The following VPS13A variants were observed in gnomAD, a reference collection of about 807,000 sequenced individuals.
VPS13A encodes the protein vacuolar protein sorting 13 homolog A, also known as intermembrane lipid transfer protein VPS13A.
Under a neutral mutation model 390.9 loss-of-function variants are expected in VPS13A, and 264 were observed. That is an observed-to-expected ratio of 0.68 (90% CI 0.61 to 0.75). VPS13A has a LOEUF of 0.75. Among genes scored for constraint, VPS13A ranks in the 30% least tolerant of loss-of-function variants. VPS13A has a pLI of 0.00. For synonymous variants in VPS13A, 1,231 were observed against 1,227.1 expected (o/e 1.00, Z -0.07); for missense variants, 3,409 against 3,733.9 (o/e 0.91, Z 2.27).
intron 33 of VPS13A, among the ~76,000 whole-genome samples, chr9:77,297,850 T>C (rs1447330444): frequency 6.6e-6 from 1 of 152,046 alleles, no homozygotes; most frequent in Non-Finnish European, 1.5e-5. Context: ...GTTCTAGAAA[T>C]TAGGTCAAAA....
At chr9:77,225,072 A>G (rs1823429576) in intron 13 of VPS13A, among the ~76,000 whole-genome samples, 1 of 152,234 alleles carries the variant, frequency 6.6e-6, no homozygotes, top group African/African-American at 2.4e-5. Context: ...TCTTAAGACA[A>G]TGCCATTGCA....
At chr9:77,209,964 AT>A (rs1292292016) in intron 6 of VPS13A, among the ~76,000 whole-genome samples, 3 of 151,788 alleles carry the variant, frequency 2.0e-5, no homozygotes, top group East Asian at 1.9e-4. Flanking sequence ...TTTTTTAATA[AT>A]TTTTTTTGTA....
At chr9:77,365,618 G>T in intron 60 of VPS13A, 45 bp downstream of exon 60, 1 of 1,166,044 alleles carries the variant, frequency 8.6e-7, no homozygotes, top group Non-Finnish European at 1.3e-6. Context: ...CTAGGTAATA[G>T]CAAATTGATG....
At chr9:77,245,488 C>T (rs1191722300) in intron 19 of VPS13A, among the ~76,000 whole-genome samples, 1 of 152,178 alleles carries the variant, frequency 6.6e-6, no homozygotes, top group Non-Finnish European at 1.5e-5. Flanking sequence ...TGAGTCAATT[C>T]TGCTCTTAAG....
At chr9:77,316,556 T>G (rs2131433706) in intron 39 of VPS13A, 150 bp downstream of exon 39, 1 of 653,620 alleles carries the variant, frequency 1.5e-6, no homozygotes, top group Non-Finnish European at 2.7e-6. Context: ...TAGAATATTA[T>G]TTACCAGCTT....
rs541729451 is a variant in VPS13A, at chr9:77,298,592, A to G, written c.3812+2746A>G. Among the ~76,000 whole-genome samples, 21 of 152,218 alleles carry G rather than the reference A, an allele frequency of 1.4e-4. No homozygotes were observed. In the East Asian group the frequency reaches 3.5e-3, roughly 25 times the overall value. On this transcript the variant is annotated intron_variant, in intron 33 of 71. Transcript: ENST00000360280. The stretch of plus-strand genomic sequence containing the variant: ...ATCCAACAGTCAGTTGGATTGAGAC[A>G]AAACTGAATTTTTTGCCAAGCAAGT...
At chr9:77,281,429 A>C (rs1827018981) in intron 27 of VPS13A, among the ~76,000 whole-genome samples, 1 of 152,170 alleles carries the variant, frequency 6.6e-6, no homozygotes, top group Admixed American at 6.5e-5. Flanking sequence ...ATGATTTGTC[A>C]ATCAAAAATA....
intron 58 of VPS13A, 148 bp from the exon 59 acceptor site, chr9:77,360,388 T>C: frequency 1.6e-6 from 1 of 608,482 alleles, no homozygotes; most frequent in South Asian, 2.0e-5. Flanking sequence ...TTATTAACAG[T>C]GTTCCATGAT....
chr9:77,366,976 T>C (rs1328617156), intron 61 of VPS13A, 104 bp downstream of exon 61: 1 of 1,224,690 alleles, frequency 8.2e-7, no homozygotes, highest in East Asian at 2.5e-5. Flanking sequence ...TTGCAGATCA[T>C]AGGCAAAATG....
At chr9:77,399,825 C>G (rs557057899) in intron 68 of VPS13A, among the ~76,000 whole-genome samples, 1 of 152,180 alleles carries the variant, frequency 6.6e-6, no homozygotes, top group Non-Finnish European at 1.5e-5. Flanking sequence ...CATGTTGAAA[C>G]TGGTTTAACT....
At chr9:77,197,252 G>C (rs1825058001) in intron 1 of VPS13A, among the ~76,000 whole-genome samples, 1 of 152,152 alleles carries the variant, frequency 6.6e-6, no homozygotes, top group African/African-American at 2.4e-5. Flanking sequence ...GGTGGGTGGA[G>C]TGTTCTGTAT....
intron 3 of VPS13A, among the ~76,000 whole-genome samples, chr9:77,204,832 T>A (rs1388282931): frequency 6.6e-6 from 1 of 152,160 alleles, no homozygotes; most frequent in Non-Finnish European, 1.5e-5. Flanking sequence ...TTTTGCCATG[T>A]TGCCTAGGCT....
rs185178350 is a variant in VPS13A, at chr9:77,260,960, G to A, written c.2427+736G>A. ...GTCACCCAAGGTGGAGTGCAGTGGC[G>A]CAATCTCGGCTCACTGCAACCTCTG... On this transcript the variant is annotated intron_variant, in intron 23 of 71. Coordinates refer to ENST00000360280, the MANE Select transcript of VPS13A (RefSeq NM_033305.3). Among the ~76,000 whole-genome samples, 1,206 of 151,568 alleles carry A rather than the reference G, an allele frequency of 8.0e-3. 14 individuals carry two copies. The highest frequency in any genetic ancestry group is 0.01 in the Middle Eastern group (3 of 294).
At chr9:77,328,945 A>G (rs1161547250) in intron 45 of VPS13A, among the ~76,000 whole-genome samples, 1 of 152,204 alleles carries the variant, frequency 6.6e-6, no homozygotes, top group East Asian at 1.9e-4. Flanking sequence ...GCAGAAGGCA[A>G]ATGGGAAGCA....
At chr9:77,302,868 C>A in intron 33 of VPS13A, 47 bp from the exon 34 acceptor site, 1 of 1,561,856 alleles carries the variant, frequency 6.4e-7, no homozygotes, top group Non-Finnish European at 8.8e-7. Flanking sequence ...TTTTAACTAC[C>A]TGAATGTATA....
intron 59 of VPS13A, 126 bp downstream of exon 59, chr9:77,360,767 C>T (rs1384296414): frequency 8.3e-6 from 6 of 726,356 alleles, no homozygotes; most frequent in South Asian, 1.8e-5. Context: ...TTATTACTCT[C>T]TTGTGGTACA....
Position 77,273,286 on chromosome 9 carries a change from A to G in VPS13A, c.2434A>G (p.Thr812Ala), listed in dbSNP as rs915891404. 3.1e-6 allele frequency: 5 copies of G among 1,610,104 alleles called. No individual in the cohort carries two copies. In the African/African-American group the frequency reaches 5.3e-5, roughly 17 times the overall value. The change falls in exon 24 of 72, where the codon ACA becomes GCA. Residue 812 changes from threonine to alanine, a missense_variant. Around this residue, in one of 5 missense-constraint regions of VPS13A, gnomAD observed 2,717 missense variants for 2,917.4 expected, o/e 0.93. Coordinates refer to ENST00000360280, the MANE Select transcript of VPS13A (RefSeq NM_033305.3). ...SAPVKSFQIQ[T>A]STSLGTSQIS... ...TGAATTACTTTTCTTTCAGATTCAA[A>G]CATCTACTTCTTTGGGAACATCACA...
chr9:77,327,161 C>T (rs1027955503), intron 45 of VPS13A, among the ~76,000 whole-genome samples: 22 of 152,086 alleles, frequency 1.4e-4, no homozygotes, highest in African/African-American at 4.8e-4. Context: ...TGCCCCGTAT[C>T]GGAAACTGTG....
At chr9:77,205,779 A>G (rs933575462) in intron 4 of VPS13A, among the ~76,000 whole-genome samples, 199 bp from the exon 5 acceptor site, 4 of 151,988 alleles carry the variant, frequency 2.6e-5, no homozygotes, top group Non-Finnish European at 5.9e-5. Flanking sequence ...TTTAGTAGAG[A>G]TGGGGTTTCA....
Sources: allele counts gnomAD v4.1 joint callset (sites outside exome capture counted in the v4.1 genomes callset), GRCh38; gene constraint gnomAD v4.1.1; regional missense constraint gnomAD v4.1.1; transcripts MANE v1.5; gene names NCBI Gene and HGNC (gene_info 2026-07-23, HGNC 2026-07-21).